Variants in SPOP observed in about 807,000 individuals in gnomAD.
The protein encoded by SPOP is speckle type BTB/POZ protein, also known as speckle-type POZ protein.
In SPOP, 11 loss-of-function variants were observed where a neutral mutation model predicts 45.6. The ratio of observed to expected loss-of-function variants is 0.24; its 90% CI spans 0.15 to 0.40. The LOEUF (loss-of-function observed/expected upper bound fraction) is 0.40, where lower values mean the gene tolerates loss of function less well. Ranked by LOEUF, SPOP falls within the 10% of genes least tolerant of loss-of-function variation. The probability of loss-of-function intolerance (pLI) is 1.00; values close to 1 mark genes in which losing one functional copy is unlikely to be tolerated. For synonymous variants in SPOP, 166 were observed against 166.3 expected (o/e 1.00, Z 0.01); for missense variants, 152 against 465.6 (o/e 0.33, Z 6.20).
At chr17:49,667,504 G>T (rs992950795) in intron 1 of SPOP, among the ~76,000 whole-genome samples, 1 of 151,014 alleles carries the variant, frequency 6.6e-6, no homozygotes, top group Admixed American at 6.6e-5. Context: ...CAGGAGAATC[G>T]CTTGAACCTG....
chr17:49,615,998 G>A (rs1324759744), intron 5 of SPOP, among the ~76,000 whole-genome samples: 2 of 152,140 alleles, frequency 1.3e-5, no homozygotes. Flanking sequence ...AGTTAACTAA[G>A]CAATAACAAC....
intron 1 of SPOP, among the ~76,000 whole-genome samples, chr17:49,646,823 C>T (rs1473589800): frequency 6.6e-6 from 1 of 152,136 alleles, no homozygotes; most frequent in Non-Finnish European, 1.5e-5. Context: ...GAGTTTAGAA[C>T]ACAAAGTCTT....
intron 1 of SPOP, among the ~76,000 whole-genome samples, chr17:49,640,693 A>G (rs1335623772): frequency 6.6e-6 from 1 of 152,156 alleles, no homozygotes; most frequent in African/African-American, 2.4e-5. Context: ...TCTGAGTGAA[A>G]GCCTTACAAT....
intron 8 of SPOP, among the ~76,000 whole-genome samples, chr17:49,602,872 G>A (rs1328145023): frequency 6.6e-6 from 1 of 152,172 alleles, no homozygotes; most frequent in Non-Finnish European, 1.5e-5. Flanking sequence ...TACTTGATTG[G>A]TTCAGATACA....
At chr17:49,649,987 G>A (rs2072819685) in intron 1 of SPOP, among the ~76,000 whole-genome samples, 1 of 151,018 alleles carries the variant, frequency 6.6e-6, no homozygotes, top group South Asian at 2.1e-4. Context: ...CACCTCCCAG[G>A]TTCAAGCGAT....
chr17:49,616,971 C>T (rs2072100324), intron 5 of SPOP, among the ~76,000 whole-genome samples: 1 of 152,170 alleles, frequency 6.6e-6, no homozygotes, highest in Non-Finnish European at 1.5e-5. Context: ...AGAGAGCGAG[C>T]GAGCTGGAAC....
intron 1 of SPOP, among the ~76,000 whole-genome samples, chr17:49,666,610 T>G (rs941753056): frequency 5.9e-5 from 9 of 152,178 alleles, no homozygotes; most frequent in Admixed American, 3.9e-4. Flanking sequence ...GGCAGATCAC[T>G]TGAGGTCAGG....
At chr17:49,604,946 T>C (rs2143134139) in intron 8 of SPOP, among the ~76,000 whole-genome samples, 1 of 152,296 alleles carries the variant, frequency 6.6e-6, no homozygotes, top group South Asian at 2.1e-4. Flanking sequence ...TGTTAGAAAA[T>C]TCACAGTAAC....
At chr17:49,650,504 C>T (rs1390897563) in intron 1 of SPOP, among the ~76,000 whole-genome samples, 2 of 152,048 alleles carry the variant, frequency 1.3e-5, no homozygotes, top group Non-Finnish European at 2.9e-5. Context: ...CCCTTGAAAC[C>T]GGGAGGTGGA....
At chr17:49,620,351 C>T (rs2072195773) in intron 3 of SPOP, among the ~76,000 whole-genome samples, 1 of 151,542 alleles carries the variant, frequency 6.6e-6, no homozygotes, top group Non-Finnish European at 1.5e-5. Context: ...ACCTGTAATC[C>T]CTGCTTCTCT....
At chr17:49,673,050 A>G (rs1054366481) in intron 1 of SPOP, among the ~76,000 whole-genome samples, 3 of 152,180 alleles carry the variant, frequency 2.0e-5, no homozygotes, top group Non-Finnish European at 2.9e-5. Flanking sequence ...CATCTTCAAG[A>G]CAATTGGGAA....
chr17:49,623,199 G>C (rs2072255721), intron 1 of SPOP, among the ~76,000 whole-genome samples: 1 of 151,952 alleles, frequency 6.6e-6, no homozygotes, highest in South Asian at 2.1e-4. Context: ...GCAGAGACGG[G>C]GTTTCTCCAT....
In SPOP at chr17:49,600,381, G is replaced by A. The variant is rs1197356039; in HGVS notation, c.1122C>T (p.Ser374=). The A allele has an allele frequency of 1.9e-6, 3 of 1,613,910 alleles. No individual in the cohort carries two copies. The African/African-American group carries it at 4.0e-5, about 22-fold the overall frequency. ...GAGTCTTACAACAAGCAGGATCTTA[G>A]GATTGCTTCAGGCGTTTGCGTGGGG... ...LGPPRKRLKQ[S] is the part of the protein sequence containing the mutation. Residue 374 remains serine, a synonymous_variant, in exon 10 of 10, where the codon TCC becomes TCT. Coordinates refer to ENST00000504102, the MANE Select transcript of SPOP (RefSeq NM_001007228.2). This position sits in a 1 kb window ranked among gnomAD's most constrained non-coding sequence, Gnocchi z 4.2.
chr17:49,616,161 C>T (rs1318751091), intron 5 of SPOP, among the ~76,000 whole-genome samples: 1 of 152,170 alleles, frequency 6.6e-6, no homozygotes, highest in Non-Finnish European at 1.5e-5. Flanking sequence ...ACCCATTCAT[C>T]ATTTTCAGAG....
intron 1 of SPOP, among the ~76,000 whole-genome samples, chr17:49,672,886 G>A (rs956452204): frequency 2.6e-4 from 39 of 152,214 alleles, no homozygotes; most frequent in African/African-American, 9.2e-4. Context: ...CGCAAAGGTT[G>A]CAGTGAGCCA....
Position 49,619,516 on chromosome 17 carries a change from G to C in SPOP, c.201-131C>G. 9.7e-7 allele frequency: 1 copy of C among 1,029,992 alleles called. No individual in the cohort carries two copies. Among genetic ancestry groups the C allele is most frequent in the Non-Finnish European group, 1.4e-6 (1 of 728,228 alleles). 63.8% of individuals were successfully genotyped at this position (1,029,992 alleles called of 1,614,324 possible). A position where few individuals can be genotyped will look rare whatever the true frequency, so the allele number is the denominator to read the frequency against. On this transcript the variant is annotated intron_variant, in intron 3 of 9. Coordinates refer to ENST00000504102, the MANE Select transcript of SPOP (RefSeq NM_001007228.2). This position sits in a 1 kb window ranked among gnomAD's most constrained non-coding sequence, Gnocchi z 4.9. Reference sequence around the variant, plus strand: ...ATAGAAGAATATAATTCAGTAGAATGACTAGTTGGGAACAACTTTTTTCTC... The same window carrying C: ...ATAGAAGAATATAATTCAGTAGAATCACTAGTTGGGAACAACTTTTTTCTC...
intron 1 of SPOP, among the ~76,000 whole-genome samples, chr17:49,627,254 C>G (rs368946396): frequency 8.2e-4 from 125 of 152,330 alleles, no homozygotes; most frequent in African/African-American, 2.9e-3. Flanking sequence ...TTGGGCCTCC[C>G]TGGCTTGTGC....
chr17:49,662,602 G>A (rs141104213), intron 1 of SPOP, among the ~76,000 whole-genome samples: 2,161 of 151,806 alleles, frequency 0.014, 65 homozygotes, highest in African/African-American at 0.05. Flanking sequence ...CAGGACAGTC[G>A]CTTGAACCTG....
intron 1 of SPOP, among the ~76,000 whole-genome samples, chr17:49,643,155 G>C (rs1158690693): frequency 6.6e-6 from 1 of 152,208 alleles, no homozygotes; most frequent in East Asian, 1.9e-4. Context: ...GAGACAGGTG[G>C]CTGCCCAAAC....
Sources: gnomAD v4.1 joint callset for allele counts (sites outside exome capture counted in the v4.1 genomes callset) on GRCh38, gnomAD v4.1.1 for gene constraint, Gnocchi (gnomAD v3.1) non-coding constraint, MANE v1.5 for transcripts, NCBI Gene and HGNC (gene_info 2026-07-23, HGNC 2026-07-21) for gene names.